The following DCLK1 variants were observed in gnomAD, a reference collection of about 807,000 sequenced individuals.
DCLK1 encodes the protein doublecortin like kinase 1, also known as serine/threonine-protein kinase DCLK1.
Under a neutral mutation model 86.2 loss-of-function variants are expected in DCLK1, and 16 were observed. The observed-to-expected ratio is 0.19, with a 90% confidence interval of 0.13 to 0.28. The LOEUF (loss-of-function observed/expected upper bound fraction) is 0.28, where lower values mean the gene tolerates loss of function less well. Among genes scored for constraint, DCLK1 ranks in the 10% least tolerant of loss-of-function variants. DCLK1 has a pLI of 1.00. For missense variants in DCLK1, 590 were observed against 940.2 expected, an observed-to-expected ratio of 0.63 and a Z score of 4.87; for synonymous variants, 369 against 370.5, an observed-to-expected ratio of 1.00 and a Z score of 0.05.
At position 36,079,934 on chromosome 13, in the gene DCLK1, G is replaced by A. The variant is rs150242673; in HGVS notation, c.723+31935C>T. 6.6e-3 allele frequency among the ~76,000 whole-genome samples: 1,004 copies of A among 152,266 alleles called. 11 individuals are homozygous for A. The highest frequency in any genetic ancestry group is 0.023 in the African/African-American group (944 of 41,548). On this transcript the variant is annotated intron_variant, in intron 3 of 16. Transcript: ENST00000360631. ...ATTTTTCAGACTTTAGAAAAATGGTGCAGCACATACATCACACATTACTTA... is the reference window on the plus strand; with the variant it reads ...ATTTTTCAGACTTTAGAAAAATGGTACAGCACATACATCACACATTACTTA...
intron 4 of DCLK1, among the ~76,000 whole-genome samples, chr13:35,898,222 T>C (rs1874116128): frequency 6.6e-6 from 1 of 152,190 alleles, no homozygotes; most frequent in African/African-American, 2.4e-5. Context: ...CTAAAAAATG[T>C]CAATGAATGT....
intron 4 of DCLK1, among the ~76,000 whole-genome samples, chr13:35,885,924 C>A (rs1048534098): frequency 6.6e-6 from 1 of 151,836 alleles, no homozygotes; most frequent in African/African-American, 2.4e-5. Flanking sequence ...AATAGTACTG[C>A]CTAGAGGAGA....
chr13:35,796,977 GGAACACAGTTA>G (rs2153100242), intron 15 of DCLK1, among the ~76,000 whole-genome samples: 1 of 152,290 alleles, frequency 6.6e-6, no homozygotes, highest in East Asian at 1.9e-4. Context: ...GGGACCCAGT[GGAACACAGTTA>G]GAAATTCTCT....
chr13:35,978,350 C>G (rs532384557), intron 3 of DCLK1, among the ~76,000 whole-genome samples: 1 of 151,516 alleles, frequency 6.6e-6, no homozygotes, highest in Non-Finnish European at 1.5e-5. Flanking sequence ...GAATTACAGG[C>G]ACGCGACATC....
intron 5 of DCLK1, among the ~76,000 whole-genome samples, chr13:35,858,200 C>T (rs142037260): frequency 2.0e-5 from 3 of 152,122 alleles, no homozygotes; most frequent in Non-Finnish European, 4.4e-5. Context: ...GCTGACGTGG[C>T]TGATCTAGGG....
intron 3 of DCLK1, among the ~76,000 whole-genome samples, chr13:36,046,655 G>T (rs902699485): frequency 6.6e-6 from 1 of 152,202 alleles, no homozygotes; most frequent in Non-Finnish European, 1.5e-5. Flanking sequence ...CCTCTGCGGA[G>T]TGTGTTATGA....
At chr13:35,843,798 A>T (rs941944082) in intron 6 of DCLK1, among the ~76,000 whole-genome samples, 1 of 152,226 alleles carries the variant, frequency 6.6e-6, no homozygotes, top group African/African-American at 2.4e-5. Flanking sequence ...TAATTTAGAA[A>T]TCAAGTTATC....
intron 10 of DCLK1, among the ~76,000 whole-genome samples, chr13:35,823,197 T>G (rs550920509): frequency 6.6e-6 from 1 of 152,250 alleles, no homozygotes; most frequent in African/African-American, 2.4e-5. Context: ...GGCAGAGGAC[T>G]GTGACACGTG....
At chr13:36,120,046 GA>G (rs959075242) in intron 2 of DCLK1, among the ~76,000 whole-genome samples, 20 of 152,270 alleles carry the variant, frequency 1.3e-4, no homozygotes, top group African/African-American at 3.8e-4. Context: ...CCTGGGGGAA[GA>G]AAAGGTTAAA....
chr13:35,839,098 C>T lies in DCLK1; in HGVS notation c.1114G>A (p.Gly372Arg). 1 of 1,598,504 alleles carries T rather than the reference C, an allele frequency of 6.3e-7. No individual in the cohort carries two copies. The highest frequency in any genetic ancestry group is 1.3e-5 in the African/African-American group (1 of 74,836). The change falls in exon 7 of 17, where the codon GGA becomes AGA. Residue 372 changes from glycine to arginine, a missense_variant. By Grantham distance (125) the Gly-to-Arg change is moderately radical. Coordinates refer to ENST00000360631, the MANE Select transcript of DCLK1 (RefSeq NM_001330071.2). The stretch of plus-strand genomic sequence containing the variant: ...CAAGTCCCAAGCTCATCACCTTCTC[C>T]AGGGCCATCGTTCTCATCCATCGAG... ...CSSMDENDGP[G>R]EEVSEEGFQI...
chr13:35,831,085 G>C (rs547532061), intron 8 of DCLK1, among the ~76,000 whole-genome samples: 4 of 152,226 alleles, frequency 2.6e-5, no homozygotes, highest in African/African-American at 9.6e-5. Flanking sequence ...GAGGGGAAGA[G>C]GGCAGCAAAC....
intron 3 of DCLK1, among the ~76,000 whole-genome samples, chr13:36,107,948 GA>G (rs1885459557): frequency 6.6e-6 from 1 of 152,112 alleles, no homozygotes; most frequent in Non-Finnish European, 1.5e-5. Context: ...GCAAGAGGAA[GA>G]GACTCTCAGA....
chr13:35,867,869 AAGAGAGAGGGAGAGAGAGAGAGAAAGAG>A (rs1566576734), intron 5 of DCLK1, among the ~76,000 whole-genome samples: 11 of 126,796 alleles, frequency 8.7e-5, no homozygotes, highest in Admixed American at 1.8e-4. Context: ...GAAAGAAAGA[AAGAGAGAGGGAGAGAGAGAGAGAAAGAG>A]AGAAAGAAAG....
At chr13:35,951,491 C>T (rs1877689042) in intron 3 of DCLK1, among the ~76,000 whole-genome samples, 1 of 150,512 alleles carries the variant, frequency 6.6e-6, no homozygotes, top group African/African-American at 2.5e-5. Context: ...TAGCCTATTG[C>T]TCAGTTGCAG....
intron 3 of DCLK1, among the ~76,000 whole-genome samples, chr13:35,989,143 C>T (rs1593796239): frequency 6.6e-6 from 1 of 152,306 alleles, no homozygotes; most frequent in East Asian, 1.9e-4. Context: ...ACCGCATGCT[C>T]TGCTTTTCTG....
At chr13:35,888,582 A>G (rs1343164322) in intron 4 of DCLK1, among the ~76,000 whole-genome samples, 1 of 152,214 alleles carries the variant, frequency 6.6e-6, no homozygotes, top group African/African-American at 2.4e-5. Flanking sequence ...TAGTTATACG[A>G]AGGCAGCCAT....
In DCLK1 at chr13:36,060,474, T is replaced by C. The variant is rs1273519923; in HGVS notation, c.723+51395A>G. 2.0e-5 allele frequency among the ~76,000 whole-genome samples: 3 copies of C among 152,302 alleles called. No individual in the cohort carries two copies. The East Asian group carries it at 5.8e-4, about 29-fold the overall frequency. ...TCTTCTGTGAGTATGCAAATAGATG[T>C]ACAGATGTTTATCAAACACAGACAT... On this transcript the variant is annotated intron_variant, in intron 3 of 16. Transcript: ENST00000360631.
intron 3 of DCLK1, among the ~76,000 whole-genome samples, chr13:35,989,157 T>C (rs1200064990): frequency 6.6e-6 from 1 of 152,222 alleles, no homozygotes; most frequent in African/African-American, 2.4e-5. Context: ...TTTTCTGAAT[T>C]GACTATCTCC....
At chr13:35,823,928 G>C (rs1489126340) in intron 10 of DCLK1, among the ~76,000 whole-genome samples, 1 of 152,182 alleles carries the variant, frequency 6.6e-6, no homozygotes, top group African/African-American at 2.4e-5. Flanking sequence ...AGCTGCAACG[G>C]TTCTCAAGCT....
Sources: gnomAD v4.1 joint callset for allele counts (sites outside exome capture counted in the v4.1 genomes callset) on GRCh38, gnomAD v4.1.1 for gene constraint, MANE v1.5 for transcripts, NCBI Gene and HGNC (gene_info 2026-07-23, HGNC 2026-07-21) for gene names.